FOXP1: variants seen among roughly 807,000 people sequenced by gnomAD.
The protein encoded by FOXP1 is forkhead box P1, also known as forkhead box protein P1.
Under a neutral mutation model 98.2 loss-of-function variants are expected in FOXP1, and 15 were observed. The observed-to-expected ratio is 0.15, with a 90% CI of 0.10 to 0.24. The LOEUF is 0.24. Among genes scored for constraint, FOXP1 ranks in the 10% least tolerant of loss-of-function variants. FOXP1 has a pLI of 1.00. For synonymous variants in FOXP1, 371 were observed against 314.5 expected (o/e 1.18, Z -1.90); for missense variants, 633 against 848.5 (o/e 0.75, Z 3.15).
At chr3:71,095,462 T>C (rs2056366058) in intron 7 of FOXP1, among the ~76,000 whole-genome samples, 1 of 152,220 alleles carries the variant, frequency 6.6e-6, no homozygotes. Context: ...CCAAATGATA[T>C]GCTAATGTAA....
intron 5 of FOXP1, among the ~76,000 whole-genome samples, chr3:71,221,492 T>G (rs549068072): frequency 3.3e-5 from 5 of 152,170 alleles, no homozygotes; most frequent in African/African-American, 2.4e-5. Flanking sequence ...CAACATCAAA[T>G]ACCTTCATCC....
rs892941319 is a variant in FOXP1, at chr3:70,955,108, C to T, written c.*4139G>A. ...AATTTCAGGAGGCTATGTCATTAACCAAAAGGTACCAAAAAGATTCAAAAT... is the reference window on the plus strand; with the variant it reads ...AATTTCAGGAGGCTATGTCATTAACTAAAAGGTACCAAAAAGATTCAAAAT... On this transcript the variant is annotated 3_prime_UTR_variant, in exon 21 of 21. Transcript: ENST00000649528. The T allele has an allele frequency of 6.0e-5, 14 of 232,080 alleles. No homozygotes were observed. Among genetic ancestry groups the T allele is most frequent in the Non-Finnish European group, 2.6e-5 (3 of 117,424 alleles). The allele number at this position is 232,080 out of a possible 1,614,324, so 14.4% of individuals were successfully genotyped here.
At chr3:71,000,213 T>A (rs55892269) in intron 13 of FOXP1, among the ~76,000 whole-genome samples, 1,677 of 152,174 alleles carry the variant, frequency 0.011, 21 homozygotes, top group Middle Eastern at 0.024. Flanking sequence ...TCTCTCACAC[T>A]GTGATTCCCA....
chr3:70,967,413 T>C (rs764268395), intron 19 of FOXP1, among the ~76,000 whole-genome samples: 15 of 152,166 alleles, frequency 9.9e-5, no homozygotes, highest in Non-Finnish European at 2.1e-4. Context: ...CTCGGCCCTA[T>C]GTAAGCCCAC....
chr3:71,573,141 C>A (rs2047463492), intron 2 of FOXP1, among the ~76,000 whole-genome samples: 2 of 152,310 alleles, frequency 1.3e-5, no homozygotes, highest in Admixed American at 6.5e-5. Flanking sequence ...CAAAGAGATA[C>A]TCTGTATTTA....
At chr3:71,161,114 T>C (rs1200351208) in intron 6 of FOXP1, among the ~76,000 whole-genome samples, 2 of 152,152 alleles carry the variant, frequency 1.3e-5, no homozygotes, top group African/African-American at 2.4e-5. Flanking sequence ...TCTAAGAAAA[T>C]GTAGAATAAG....
intron 7 of FOXP1, among the ~76,000 whole-genome samples, chr3:71,067,354 T>G (rs1172332536): frequency 6.6e-6 from 1 of 152,264 alleles, no homozygotes; most frequent in Middle Eastern, 3.4e-3. Context: ...AACTGGAACT[T>G]CCATAAGTGG....
In FOXP1 at chr3:71,053,061, C is replaced by T. The variant is rs148582286; in HGVS notation, c.421-435G>A. Reference sequence around the variant, plus strand: ...ACCACCCCAGGCCAGTGACTCCCAACGCTGTAGTTCCGAATCTCATCTATT... The same window carrying T: ...ACCACCCCAGGCCAGTGACTCCCAATGCTGTAGTTCCGAATCTCATCTATT... On this transcript the variant is annotated intron_variant, in intron 8 of 20. Transcript: ENST00000649528. Among the ~76,000 whole-genome samples, 4 of 152,262 alleles carry T rather than the reference C, an allele frequency of 2.6e-5. No homozygotes were observed. The East Asian group carries it at 5.8e-4, about 22-fold the overall frequency.
intron 2 of FOXP1, among the ~76,000 whole-genome samples, chr3:71,544,510 A>T (rs1369799331): frequency 2.6e-5 from 4 of 152,220 alleles, no homozygotes; most frequent in Non-Finnish European, 5.9e-5. Flanking sequence ...GAAGATGAGA[A>T]CATTTGCAGT....
chr3:71,188,664 C>T (rs1448495234), intron 6 of FOXP1, among the ~76,000 whole-genome samples: 3 of 152,154 alleles, frequency 2.0e-5, no homozygotes. Context: ...GTGATCCGCC[C>T]ACCTCGCCCT....
At chr3:71,507,620 G>A (rs1214139884) in intron 2 of FOXP1, among the ~76,000 whole-genome samples, 2 of 150,282 alleles carry the variant, frequency 1.3e-5, no homozygotes, top group Non-Finnish European at 3.0e-5. Flanking sequence ...CTCTGTCACC[G>A]AGGCTGGAGT....
intron 1 of FOXP1, chr3:71,582,026 A>G (rs1046310018): frequency 3.7e-5 from 36 of 976,470 alleles, no homozygotes; most frequent in Non-Finnish European, 4.3e-5. Context: ...GTTTGGAGTT[A>G]CAACTGTTTA....
intron 4 of FOXP1, among the ~76,000 whole-genome samples, chr3:71,329,606 G>C (rs2076173207): frequency 6.8e-6 from 1 of 146,744 alleles, no homozygotes; most frequent in Non-Finnish European, 1.5e-5. Context: ...AAAAAGACAG[G>C]ATCTTCCCCT....
chr3:71,490,370 C>A (rs2090974980), intron 3 of FOXP1, among the ~76,000 whole-genome samples: 1 of 152,022 alleles, frequency 6.6e-6, no homozygotes, highest in African/African-American at 2.4e-5. Flanking sequence ...TGGTGGTGGG[C>A]ACCTGCAATC....
At chr3:70,989,369 C>A (rs1260250230) in intron 13 of FOXP1, among the ~76,000 whole-genome samples, 1 of 151,888 alleles carries the variant, frequency 6.6e-6, no homozygotes, top group Admixed American at 6.6e-5. Flanking sequence ...AAAAAAACAG[C>A]CGTACAGTGT....
chr3:71,483,800 C>T (rs559020636), intron 3 of FOXP1, among the ~76,000 whole-genome samples: 2 of 152,056 alleles, frequency 1.3e-5, no homozygotes, highest in East Asian at 3.9e-4. Context: ...CACACACATA[C>T]ACGAACTTTT....
intron 5 of FOXP1, among the ~76,000 whole-genome samples, chr3:71,244,328 C>G (rs910736506): frequency 3.3e-5 from 5 of 151,980 alleles, no homozygotes; most frequent in African/African-American, 1.2e-4. Flanking sequence ...ATGATCTCTC[C>G]CCCCTCTTTT....
At position 71,257,933 on chromosome 3, in the gene FOXP1, T is replaced by C. The variant is rs576150274; in HGVS notation, c.-12+41887A>G. ...TCACAGCTAGAACTCACTCATAAGC[T>C]ACTTGGCAGGAGCAAACATGACAGT... On this transcript the variant is annotated intron_variant, in intron 5 of 20. Transcript: ENST00000649528. 4.6e-5 allele frequency among the ~76,000 whole-genome samples: 7 copies of C among 152,314 alleles called. No homozygotes were observed. In the East Asian group the frequency reaches 1.2e-3, roughly 25 times the overall value.
intron 3 of FOXP1, among the ~76,000 whole-genome samples, chr3:71,365,422 AC>A (rs2078848925): frequency 6.6e-6 from 1 of 151,490 alleles, no homozygotes; most frequent in Admixed American, 6.6e-5. Flanking sequence ...GCCATTCCGA[AC>A]AAAAATCCAA....
Sources: allele counts gnomAD v4.1 joint callset (sites outside exome capture counted in the v4.1 genomes callset), GRCh38; gene constraint gnomAD v4.1.1; transcripts MANE v1.5; gene names NCBI Gene and HGNC (gene_info 2026-07-23, HGNC 2026-07-21).